Variants in XKR4 observed in about 807,000 individuals in gnomAD.
The protein encoded by XKR4 is XK-related protein 4.
XKR4 carries 12 observed loss-of-function variants against 53.9 expected under a neutral mutation model. That is an observed-to-expected ratio of 0.22 (90% CI 0.14 to 0.36). The LOEUF (loss-of-function observed/expected upper bound fraction) is 0.36, where lower values mean the gene tolerates loss of function less well. Ranked by LOEUF, XKR4 falls within the 10% of genes least tolerant of loss-of-function variation. The pLI is 1.00. For synonymous variants in XKR4, 354 were observed against 362.4 expected, an observed-to-expected ratio of 0.98 and a Z score of 0.26; for missense variants, 799 against 859.5, an observed-to-expected ratio of 0.93 and a Z score of 0.88.
chr8:55,307,718 A>T (rs1267284664), intron 1 of XKR4, among the ~76,000 whole-genome samples: 1 of 152,106 alleles, frequency 6.6e-6, no homozygotes, highest in Non-Finnish European at 1.5e-5. Context: ...ATCTTCAGAA[A>T]TTAGGGGAGT....
rs573871724 is a variant in XKR4 at position 55,305,386 on chromosome 8, G to A, written c.807-52292G>A. On this transcript the variant is annotated intron_variant, in intron 1 of 2. Coordinates refer to ENST00000327381, the MANE Select transcript of XKR4 (RefSeq NM_052898.2). ...TATTCCTGGACACCTGATTGCTCTA[G>A]GGACCCAGAGAAAGGAGGGGGTCAC... Among the ~76,000 whole-genome samples, 3 of 152,156 alleles carry A rather than the reference G, an allele frequency of 2.0e-5. No homozygotes were observed. The East Asian group carries it at 5.8e-4, about 29-fold the overall frequency.
chr8:55,407,311 C>G (rs1182758911), intron 2 of XKR4, among the ~76,000 whole-genome samples: 1 of 152,220 alleles, frequency 6.6e-6, no homozygotes, highest in African/African-American at 2.4e-5. Flanking sequence ...GGCTTTCGCA[C>G]TGCTTCCCAG....
rs745750635 is a variant in XKR4, at chr8:55,384,230, G to A, written c.1006+26353G>A. On this transcript the variant is annotated intron_variant, in intron 2 of 2. Transcript: ENST00000327381. ...GACAGGAGCTCGGAGGCTAAGTTTG[G>A]AAGAATGTGTTGGAGTCGGGTCTTC... Among the ~76,000 whole-genome samples the A allele has an allele frequency of 1.1e-3, 170 of 152,204 alleles. 2 individuals are homozygous for A. Among genetic ancestry groups the A allele is most frequent in the Non-Finnish European group, 1.9e-3 (132 of 68,028 alleles).
intron 2 of XKR4, among the ~76,000 whole-genome samples, chr8:55,411,642 G>C (rs2129391273): frequency 6.6e-6 from 1 of 152,348 alleles, no homozygotes; most frequent in African/African-American, 2.4e-5. Flanking sequence ...GACTCTGTGG[G>C]AATGAGGTCA....
chr8:55,189,102 A>G (rs1044476331), intron 1 of XKR4, among the ~76,000 whole-genome samples: 3 of 152,174 alleles, frequency 2.0e-5, no homozygotes, highest in Non-Finnish European at 4.4e-5. Context: ...GCCCTACTAC[A>G]TCCTGGGCTC....
At chr8:55,375,603 G>A (rs1804134011) in intron 2 of XKR4, among the ~76,000 whole-genome samples, 1 of 151,968 alleles carries the variant, frequency 6.6e-6, no homozygotes, top group Admixed American at 6.6e-5. Context: ...CCAGCAAACA[G>A]CACTTAGACT....
intron 1 of XKR4, among the ~76,000 whole-genome samples, chr8:55,106,117 A>G (rs183089698): frequency 6.6e-6 from 1 of 152,296 alleles, no homozygotes; most frequent in Non-Finnish European, 1.5e-5. Flanking sequence ...TCTGGGATCA[A>G]TAAAATAGAT....
rs1170236794 is a variant in XKR4 at position 55,102,279 on chromosome 8, G to A, written c.-210G>A. ...CAGGCAGCCAGGCGGCGCTCCTGCC[G>A]GCCCCAGGCGCGCCGCTAGCCCGGC... On this transcript the variant is annotated 5_prime_UTR_variant, in exon 1 of 3. Coordinates refer to ENST00000327381, the MANE Select transcript of XKR4 (RefSeq NM_052898.2). The surrounding 1 kb of genome is among the most constrained non-coding windows in gnomAD (Gnocchi z 5.1). 8.9e-6 allele frequency: 5 copies of A among 560,784 alleles called. No homozygotes were observed. The highest frequency in any genetic ancestry group is 7.6e-5 in the South Asian group (1 of 13,242). The allele number at this position is 560,784 out of a possible 1,614,324, so 34.7% of individuals were successfully genotyped here.
At chr8:55,273,606 T>C (rs891552473) in intron 1 of XKR4, among the ~76,000 whole-genome samples, 5 of 152,156 alleles carry the variant, frequency 3.3e-5, no homozygotes, top group Non-Finnish European at 7.4e-5. Context: ...CTGGCTCCAC[T>C]CAGATCAATA....
intron 2 of XKR4, among the ~76,000 whole-genome samples, chr8:55,389,473 T>G (rs1287618281): frequency 1.3e-5 from 2 of 152,336 alleles, no homozygotes; most frequent in Non-Finnish European, 2.9e-5. Flanking sequence ...GACTACATAC[T>G]GGCTAATGGA....
At chr8:55,242,855 G>A (rs1818229842) in intron 1 of XKR4, among the ~76,000 whole-genome samples, 1 of 152,170 alleles carries the variant, frequency 6.6e-6, no homozygotes, top group South Asian at 2.1e-4. Context: ...GGGAAACTAT[G>A]ATGTGAAGTT....
At chr8:55,512,178 C>G (rs1052497831) in intron 2 of XKR4, among the ~76,000 whole-genome samples, 4 of 152,240 alleles carry the variant, frequency 2.6e-5, no homozygotes, top group African/African-American at 9.6e-5. Context: ...ATTGCTTCCC[C>G]ACCCTCACTG....
At chr8:55,325,135 T>TA (rs1295755067) in intron 1 of XKR4, among the ~76,000 whole-genome samples, 3 of 152,138 alleles carry the variant, frequency 2.0e-5, no homozygotes, top group South Asian at 4.1e-4. Context: ...AAAGAGATTT[T>TA]AAAAAATAAA....
intron 2 of XKR4, among the ~76,000 whole-genome samples, chr8:55,464,773 G>C (rs1182342885): frequency 6.6e-6 from 1 of 152,138 alleles, no homozygotes; most frequent in African/African-American, 2.4e-5. Context: ...AAGCTGATAA[G>C]CAACTTCAGC....
chr8:55,330,442 A>G (rs1312971229), intron 1 of XKR4, among the ~76,000 whole-genome samples: 2 of 152,184 alleles, frequency 1.3e-5, no homozygotes, highest in African/African-American at 4.8e-5. Context: ...GTAAGCAATC[A>G]ATTATCACTT....
At chr8:55,359,290 C>G (rs1238081928) in intron 2 of XKR4, among the ~76,000 whole-genome samples, 1 of 152,186 alleles carries the variant, frequency 6.6e-6, no homozygotes, top group African/African-American at 2.4e-5. Context: ...CACTACCTCA[C>G]TATAAAACCT....
chr8:55,327,868 A>G (rs772492184), intron 1 of XKR4, among the ~76,000 whole-genome samples: 4 of 152,222 alleles, frequency 2.6e-5, no homozygotes, highest in Non-Finnish European at 5.9e-5. Context: ...ATAAGATGCT[A>G]GTTGCCAAAT....
At chr8:55,150,473 G>C (rs1342732427) in intron 1 of XKR4, among the ~76,000 whole-genome samples, 1 of 152,194 alleles carries the variant, frequency 6.6e-6, no homozygotes. Context: ...ATTATAGTAT[G>C]GTTCTTGTAA....
chr8:55,321,333 G>A (rs1425222266), intron 1 of XKR4, among the ~76,000 whole-genome samples: 2 of 152,064 alleles, frequency 1.3e-5, no homozygotes, highest in Non-Finnish European at 2.9e-5. Flanking sequence ...CTGTCTCTCT[G>A]GTCTTCTTTA....
Sources: gnomAD v4.1 joint callset for allele counts (sites outside exome capture counted in the v4.1 genomes callset) on GRCh38, gnomAD v4.1.1 for gene constraint, Gnocchi (gnomAD v3.1) non-coding constraint, MANE v1.5 for transcripts, NCBI Gene and HGNC (gene_info 2026-07-23, HGNC 2026-07-21) for gene names.